ITGA9: variants seen among roughly 807,000 people sequenced by gnomAD.
ITGA9 encodes integrin subunit alpha 9.
ITGA9 carries 56 observed loss-of-function variants against 127.8 expected under a neutral mutation model. The ratio of observed to expected loss-of-function variants is 0.44; its 90% CI spans 0.35 to 0.55. ITGA9 has a LOEUF of 0.55. Ranked by LOEUF, ITGA9 falls within the 20% of genes least tolerant of loss-of-function variation. The probability of loss-of-function intolerance (pLI) is 0.00; values close to 1 mark genes in which losing one functional copy is unlikely to be tolerated. For missense variants in ITGA9, 1,196 were observed against 1,347.1 expected, an observed-to-expected ratio of 0.89 and a Z score of 1.76; for synonymous variants, 508 against 514.5, an observed-to-expected ratio of 0.99 and a Z score of 0.17.
intron 17 of ITGA9, among the ~76,000 whole-genome samples, chr3:37,678,777 G>A (rs1204296819): frequency 1.3e-5 from 2 of 152,154 alleles, no homozygotes; most frequent in Non-Finnish European, 2.9e-5. Context: ...TAGTGATTCA[G>A]CATATGTGGT....
intron 3 of ITGA9, among the ~76,000 whole-genome samples, chr3:37,480,502 C>T (rs1343482624): frequency 6.6e-6 from 1 of 152,206 alleles, no homozygotes; most frequent in Admixed American, 6.5e-5. Flanking sequence ...CCAGCCACTC[C>T]CTGGCATGAG....
chr3:37,651,158 A>G (rs1304114761), intron 16 of ITGA9, among the ~76,000 whole-genome samples: 1 of 152,156 alleles, frequency 6.6e-6, no homozygotes, highest in Non-Finnish European at 1.5e-5. Flanking sequence ...GTGTGTGTAT[A>G]TGTCAAACTC....
At chr3:37,456,348 C>A (rs893909053) in intron 1 of ITGA9, among the ~76,000 whole-genome samples, 2 of 152,198 alleles carry the variant, frequency 1.3e-5, no homozygotes, top group Non-Finnish European at 2.9e-5. Context: ...AGTCTTCTGG[C>A]GTCCTTTGAA....
chr3:37,772,426 TG>T (rs1203163065), intron 23 of ITGA9, among the ~76,000 whole-genome samples: 12 of 148,574 alleles, frequency 8.1e-5, no homozygotes, highest in African/African-American at 2.9e-4. Context: ...AACAAAAATG[TG>T]GGGACAGTAA....
rs2125530812 is a variant in ITGA9, at chr3:37,736,891, C to T, written c.2155-13C>T. On this transcript the variant is annotated splice_polypyrimidine_tract_variant and intron_variant, in intron 19 of 27. Coordinates refer to ENST00000264741, the MANE Select transcript of ITGA9 (RefSeq NM_002207.3). ...TGCCTGCTGATGCCAAATACCACTT[C>T]CTTTTTCACTAGTATGAATTCAGCG... 1.3e-6 allele frequency: 2 copies of T among 1,594,282 alleles called. No individual in the cohort carries two copies. The highest frequency in any genetic ancestry group is 4.5e-5 in the East Asian group (2 of 44,806).
In ITGA9 at chr3:37,736,902, A is replaced by G. The variant is rs778883441; in HGVS notation, c.2155-2A>G. On this transcript the variant is annotated splice_acceptor_variant, in intron 19 of 27. Transcript: ENST00000264741. LOFTEE classifies it high-confidence loss of function. ...GCCAAATACCACTTCCTTTTTCACT[A>G]GTATGAATTCAGCGTGATCTTTGAT... The G allele has an allele frequency of 1.9e-6, 3 of 1,606,058 alleles. No individual in the cohort carries two copies. The highest frequency in any genetic ancestry group is 2.6e-6 in the Non-Finnish European group (3 of 1,172,624).
intron 17 of ITGA9, among the ~76,000 whole-genome samples, chr3:37,660,465 A>G (rs531553550): frequency 5.9e-5 from 9 of 152,286 alleles, no homozygotes; most frequent in East Asian, 5.8e-4. Context: ...ATCCATCTCT[A>G]TTGAATTGTG....
chr3:37,471,302 T>C (rs1698429051), intron 2 of ITGA9, among the ~76,000 whole-genome samples, 168 bp downstream of exon 2: 3 of 152,082 alleles, frequency 2.0e-5, no homozygotes, highest in Admixed American at 2.0e-4. Context: ...TATTAAGCAC[T>C]GGGATACACC....
chr3:37,660,246 A>G (rs1700520681), intron 17 of ITGA9, among the ~76,000 whole-genome samples: 1 of 152,238 alleles, frequency 6.6e-6, no homozygotes, highest in Admixed American at 6.5e-5. Flanking sequence ...TTAATTTTAA[A>G]TAGGCCTTCC....
At chr3:37,494,922 AT>A (rs1271303200) in intron 5 of ITGA9, among the ~76,000 whole-genome samples, 5 of 152,138 alleles carry the variant, frequency 3.3e-5, no homozygotes, top group African/African-American at 1.2e-4. Context: ...GGCTGTGCAG[AT>A]ACATGAAGCG....
At chr3:37,790,895 T>C (rs2685080) in intron 26 of ITGA9, 18,143 of 152,282 alleles carry the variant, frequency 0.12, 1,218 homozygotes, top group Middle Eastern at 0.23. Context: ...GAAAGTGTTG[T>C]TTGAGGCCCA....
intron 26 of ITGA9, among the ~76,000 whole-genome samples, chr3:37,786,995 C>A (rs772813387): frequency 7.9e-5 from 12 of 152,170 alleles, no homozygotes; most frequent in Non-Finnish European, 1.5e-4. Context: ...GATGCTGGGT[C>A]ATTTACTACT....
chr3:37,572,997 C>T (rs1308311090), intron 15 of ITGA9, among the ~76,000 whole-genome samples: 4 of 152,242 alleles, frequency 2.6e-5, no homozygotes, highest in Middle Eastern at 3.2e-3. Context: ...TCACACTTCA[C>T]TTAAACTGTC....
chr3:37,701,354 T>C (rs934962440), intron 18 of ITGA9, among the ~76,000 whole-genome samples: 1 of 152,128 alleles, frequency 6.6e-6, no homozygotes, highest in Non-Finnish European at 1.5e-5. Context: ...TGTAGTTTGT[T>C]TGGGAGGTGA....
At chr3:37,774,260 A>T (rs935607166) in intron 23 of ITGA9, among the ~76,000 whole-genome samples, 2 of 152,230 alleles carry the variant, frequency 1.3e-5, no homozygotes, top group Non-Finnish European at 2.9e-5. Context: ...ATTGAACCCA[A>T]GGAATAATTA....
intron 16 of ITGA9, among the ~76,000 whole-genome samples, chr3:37,638,645 G>A (rs1700304008): frequency 6.6e-6 from 1 of 152,122 alleles, no homozygotes; most frequent in Non-Finnish European, 1.5e-5. Context: ...TCTAGGTCAT[G>A]TTGCCAGATA....
At chr3:37,558,101 G>A (rs900150002) in intron 15 of ITGA9, among the ~76,000 whole-genome samples, 2 of 152,226 alleles carry the variant, frequency 1.3e-5, no homozygotes, top group Non-Finnish European at 2.9e-5. Flanking sequence ...CTGTGCACGT[G>A]TGTCCGTGCT....
intron 9 of ITGA9, among the ~76,000 whole-genome samples, chr3:37,517,239 T>G (rs143342118): frequency 6.6e-6 from 1 of 151,970 alleles, no homozygotes; most frequent in Non-Finnish European, 1.5e-5. Context: ...AGGCAGAGAG[T>G]GTAGTCATTG....
intron 8 of ITGA9, among the ~76,000 whole-genome samples, chr3:37,512,110 TTCCTTCC>T (rs1698926988): frequency 8.5e-6 from 1 of 117,574 alleles, no homozygotes; most frequent in African/African-American, 3.5e-5. Context: ...CCTTCCTTCC[TTCCTTCC>T]TTCTTTCTTT....
Sources: gnomAD v4.1 joint callset for allele counts (sites outside exome capture counted in the v4.1 genomes callset) on GRCh38, gnomAD v4.1.1 for gene constraint, MANE v1.5 for transcripts, NCBI Gene and HGNC (gene_info 2026-07-23, HGNC 2026-07-21) for gene names.